SOHLH2: variants seen among roughly 807,000 people sequenced by gnomAD.
The protein encoded by SOHLH2 is spermatogenesis- and oogenesis-specific basic helix-loop-helix-containing protein 2.
SOHLH2 carries 22 observed loss-of-function variants against 50.4 expected under a neutral mutation model. That is an observed-to-expected ratio of 0.44 (90% confidence interval 0.31 to 0.62). The LOEUF (loss-of-function observed/expected upper bound fraction) is 0.62. SOHLH2 is among the 20% of genes least tolerant of loss of function. The pLI is 0.08. For synonymous variants in SOHLH2, 185 were observed against 187.3 expected (o/e 0.99, Z 0.10); for missense variants, 412 against 504.4 (o/e 0.82, Z 1.76).
chr13:36,194,195 A>T (rs1247554755), intron 2 of SOHLH2, among the ~76,000 whole-genome samples: 1 of 152,018 alleles, frequency 6.6e-6, no homozygotes, highest in Non-Finnish European at 1.5e-5. Context: ...AATGGGGGGA[A>T]TTCTGTAAGA....
chr13:36,201,895 C>A lies in SOHLH2; in HGVS notation c.247G>T (p.Ala83Ser), dbSNP rs1176669001. Residue 83 changes from alanine (A) to serine (S), a missense_variant, in exon 2 of 11, where the codon GCC (alanine) becomes TCC (serine). Physicochemically the swap from Ala to Ser is moderately conservative, Grantham distance 99 (BLOSUM62 1). Transcript: ENST00000379881. The part of the protein sequence containing the change: ...PSSLSAEELE[A>S]IKLIRFGKKK... ...GAAGTTTACCTAATTAACTTGATGGCTTCCAGCTCCTCGGCACTTAGTGAA... is the reference window on the plus strand; with the variant it reads ...GAAGTTTACCTAATTAACTTGATGGATTCCAGCTCCTCGGCACTTAGTGAA... 5.0e-6 allele frequency: 8 copies of A among 1,614,198 alleles called. No homozygotes were observed. Among genetic ancestry groups the A allele is most frequent in the Non-Finnish European group, 6.8e-6 (8 of 1,180,038 alleles).
At chr13:36,180,956 TGA>T (rs1158725660) in intron 6 of SOHLH2, among the ~76,000 whole-genome samples, 2 of 152,206 alleles carry the variant, frequency 1.3e-5, no homozygotes, top group African/African-American at 4.8e-5. Context: ...TATAAATTGC[TGA>T]GAGAGGAGTG....
intron 6 of SOHLH2, chr13:36,183,209 C>T (rs1023415784): frequency 1.2e-5 from 4 of 346,248 alleles, no homozygotes; most frequent in African/African-American, 4.1e-5. Context: ...TGCAGAATCA[C>T]GAGTCAATTA....
intron 1 of SOHLH2, 134 bp downstream of exon 1, chr13:36,214,345 C>G: frequency 9.0e-7 from 1 of 1,110,710 alleles, no homozygotes; most frequent in Non-Finnish European, 1.3e-6. Flanking sequence ...GGGGCCCTTC[C>G]TGCTATTCGC....
At chr13:36,171,880 A>T (rs1202966959) in intron 9 of SOHLH2, among the ~76,000 whole-genome samples, 2 of 152,242 alleles carry the variant, frequency 1.3e-5, no homozygotes, top group African/African-American at 4.8e-5. Flanking sequence ...TAAGTAAAAA[A>T]ATTCAAGAAA....
chr13:36,172,655 C>G (rs1355420324), intron 9 of SOHLH2, among the ~76,000 whole-genome samples: 1 of 152,226 alleles, frequency 6.6e-6, no homozygotes, highest in East Asian at 1.9e-4. Flanking sequence ...TCCATAAGAA[C>G]AAGAACTGCC....
At chr13:36,189,846 G>T in intron 6 of SOHLH2, 100 bp downstream of exon 6, 1 of 1,182,026 alleles carries the variant, frequency 8.5e-7, no homozygotes, top group Non-Finnish European at 1.1e-6. Context: ...AAGTTTACTA[G>T]TTTCACTTAT....
intron 8 of SOHLH2, among the ~76,000 whole-genome samples, chr13:36,174,203 C>T (rs1887039147): frequency 6.6e-6 from 1 of 152,174 alleles, no homozygotes; most frequent in South Asian, 2.1e-4. Flanking sequence ...CATCCCTACA[C>T]TCACAAGGGA....
intron 6 of SOHLH2, among the ~76,000 whole-genome samples, chr13:36,178,853 T>A (rs1455206540): frequency 6.6e-6 from 1 of 151,628 alleles, no homozygotes; most frequent in East Asian, 1.9e-4. Flanking sequence ...TTCCTAAGTA[T>A]CCTAAAGCTA....
intron 1 of SOHLH2, among the ~76,000 whole-genome samples, chr13:36,210,439 T>C (rs553630024): frequency 6.6e-6 from 1 of 150,974 alleles, no homozygotes; most frequent in East Asian, 1.9e-4. Context: ...TTTTACTGTG[T>C]ATTTTTTTTT....
At chr13:36,202,405 A>T (rs541833575) in intron 1 of SOHLH2, among the ~76,000 whole-genome samples, 63 of 152,284 alleles carry the variant, frequency 4.1e-4, no homozygotes, top group African/African-American at 1.5e-3. Flanking sequence ...AGTTCTTATG[A>T]CTCAGTTTTC....
chr13:36,210,502 A>G (rs927371926), intron 1 of SOHLH2, among the ~76,000 whole-genome samples: 4 of 152,070 alleles, frequency 2.6e-5, no homozygotes, highest in African/African-American at 9.7e-5. Flanking sequence ...ATTAAGAACT[A>G]TGCATTGCAT....
chr13:36,202,207 A>G, intron 1 of SOHLH2, 114 bp from the exon 2 acceptor site: 1 of 1,312,962 alleles, frequency 7.6e-7, no homozygotes, highest in Non-Finnish European at 1.0e-6. Flanking sequence ...AATTGACTCC[A>G]TATCTAGTCT....
chr13:36,172,545 G>A (rs1886990881), intron 9 of SOHLH2, among the ~76,000 whole-genome samples: 2 of 152,262 alleles, frequency 1.3e-5, no homozygotes, highest in Admixed American at 6.5e-5. Flanking sequence ...CATGGCTTCC[G>A]CCACATCCCC....
intron 6 of SOHLH2, among the ~76,000 whole-genome samples, chr13:36,187,726 T>C (rs1593945528): frequency 6.6e-6 from 1 of 152,298 alleles, no homozygotes; most frequent in East Asian, 1.9e-4. Flanking sequence ...CCTAAACTCC[T>C]CCTCTCCATT....
rs1869329480 is a variant in SOHLH2 at position 36,214,541 on chromosome 13, T to G, written c.-15A>C. 1 of 1,608,810 alleles carries G rather than the reference T, an allele frequency of 6.2e-7. No individual in the cohort carries two copies. Among genetic ancestry groups the G allele is most frequent in the Admixed American group, 1.7e-5 (1 of 59,556 alleles). Reference sequence around the variant, plus strand: ...GAGGAAGCCATGGCCGCTGCGCACGTGCTGGGTCCTGGGGCAGCCTCCCAG... The same window carrying G: ...GAGGAAGCCATGGCCGCTGCGCACGGGCTGGGTCCTGGGGCAGCCTCCCAG... On this transcript the variant is annotated 5_prime_UTR_variant, in exon 1 of 11. Coordinates refer to ENST00000379881, the MANE Select transcript of SOHLH2 (RefSeq NM_017826.3).
At chr13:36,186,902 C>T (rs1173360732) in intron 6 of SOHLH2, among the ~76,000 whole-genome samples, 1 of 151,878 alleles carries the variant, frequency 6.6e-6, no homozygotes, top group Non-Finnish European at 1.5e-5. Flanking sequence ...AAACCCAAAA[C>T]CATATGTAAA....
At position 36,201,824 on chromosome 13, in the gene SOHLH2, TG is replaced by T. The variant is rs549085772; in HGVS notation, c.263+54del. The T allele has an allele frequency of 1.9e-3, 2,953 of 1,592,040 alleles. 4 individuals are homozygous for T. The highest frequency in any genetic ancestry group is 2.3e-3 in the Non-Finnish European group (2,711 of 1,171,332). On this transcript the variant is annotated intron_variant, in intron 2 of 10. Transcript: ENST00000379881. ...CATCTTTTTAGGAGTTTTTAAAAAA[TG>T]GGTTTTTAAAAAAATGATTCTAAAG... is the stretch of plus-strand genomic sequence containing the variant.
At chr13:36,192,281 T>A (rs1593949215) in intron 4 of SOHLH2, among the ~76,000 whole-genome samples, 1 of 151,898 alleles carries the variant, frequency 6.6e-6, no homozygotes, top group African/African-American at 2.4e-5. Context: ...CTGAAAAAAA[T>A]TTTTTCCTTT....
Sources: allele counts gnomAD v4.1 joint callset (sites outside exome capture counted in the v4.1 genomes callset), GRCh38; gene constraint gnomAD v4.1.1; transcripts MANE v1.5; gene names NCBI Gene and HGNC (gene_info 2026-07-23, HGNC 2026-07-21).